The following GJA9 variants were observed in gnomAD, a reference collection of about 807,000 sequenced individuals.
GJA9 encodes gap junction alpha-9 protein.
A neutral mutation model predicts 0.4 loss-of-function variants in GJA9; 1 was observed. The observed-to-expected ratio is 2.50, with a 90% CI of 0.89 to 11.88. GJA9 has a LOEUF of 11.88. Ranked by LOEUF, GJA9 falls within the 30% of genes most tolerant of loss-of-function variation. GJA9 has a pLI of 0.12. For missense variants in GJA9, 550 were observed against 602.8 expected (o/e 0.91, Z 0.92); for synonymous variants, 190 against 219.1 (o/e 0.87, Z 1.17).
chr1:38,878,537 T>C (rs2124281089), intron 1 of GJA9, among the ~76,000 whole-genome samples: 1 of 149,882 alleles, frequency 6.7e-6, no homozygotes, highest in African/African-American at 2.4e-5. Context: ...ATTAGCTGGG[T>C]GTGGTGGCAG....
intron 1 of GJA9, among the ~76,000 whole-genome samples, chr1:38,879,617 C>T (rs560846539): frequency 4.6e-5 from 7 of 152,320 alleles, no homozygotes; most frequent in Non-Finnish European, 1.0e-4. Context: ...TCTGTTTTCT[C>T]TTAAGTTTAA....
chr1:38,878,547 G>A (rs1334144325), intron 1 of GJA9, among the ~76,000 whole-genome samples: 1 of 150,438 alleles, frequency 6.6e-6, no homozygotes, highest in Non-Finnish European at 1.5e-5. Flanking sequence ...TGTGGTGGCA[G>A]GCATCTGTAA....
Position 38,875,529 on chromosome 1 carries a change from A to G in GJA9, c.570T>C (p.His190=). Residue 190 remains histidine (H), a synonymous_variant, in exon 2 of 2, where the codon CAT becomes CAC. Coordinates refer to ENST00000357771, the MANE Select transcript of GJA9 (RefSeq NM_030772.5). ...CGATTATATTTGGACACGGGTGGCC[A>G]TGGCACTTAAATAGCGGCTCTAAGT... ...GFHLEPLFKC[H]GHPCPNIIDC... 1 of 1,614,238 alleles carries G rather than the reference A, an allele frequency of 6.2e-7. No homozygotes were observed. The highest frequency in any genetic ancestry group is 8.5e-7 in the Non-Finnish European group (1 of 1,180,040).
chr1:38,874,438 T>TGAGTTTGTA lies in GJA9; in HGVS notation c.*112_*113insTACAAACTC. Reference sequence around the variant, plus strand: ...TCTCTTGCTTAAATGAGTTTGCAGTTGTCTGTCTTAACAGCTGGTCTTTAG... The same window carrying TGAGTTTGTA: ...TCTCTTGCTTAAATGAGTTTGCAGTTGAGTTTGTAGTCTGTCTTAACAGCTGGTCTTTAG... On this transcript the variant is annotated 3_prime_UTR_variant, in exon 2 of 2. Coordinates refer to ENST00000357771, the MANE Select transcript of GJA9 (RefSeq NM_030772.5). The TGAGTTTGTA allele has an allele frequency of 1.4e-6, 1 of 734,586 alleles. No individual in the cohort carries two copies. The highest frequency in any genetic ancestry group is 2.3e-6 in the Non-Finnish European group (1 of 444,296). 45.5% of individuals were successfully genotyped at this position (734,586 alleles called of 1,614,324 possible). A position where few individuals can be genotyped will look rare whatever the true frequency, so the allele number is the denominator to read the frequency against.
chr1:38,874,606 A>G lies in GJA9; in HGVS notation c.1493T>C (p.Val498Ala). ...NNPVCPPNHV[V>A]SLTNNLIGRR... ...ACCAATGAGATTGTTCGTTAGGGAC[A>G]CTACGTGATTTGGAGGACAAACAGG... Residue 498 changes from valine to alanine, a missense_variant, in exon 2 of 2, where the codon GTG becomes GCG. Physicochemically the swap from Val to Ala is moderately conservative, Grantham distance 64 (BLOSUM62 0). Coordinates refer to ENST00000357771, the MANE Select transcript of GJA9 (RefSeq NM_030772.5). The G allele has an allele frequency of 6.2e-7, 1 of 1,614,202 alleles. No homozygotes were observed. The highest frequency in any genetic ancestry group is 8.5e-7 in the Non-Finnish European group (1 of 1,180,038).
rs186077127 is a variant in GJA9 at position 38,880,387 on chromosome 1, A to T, written c.-96+1045T>A. ...CATTGCACTCCAGCCTGGGCGACAG[A>T]GCAAGACTCTGTCTCAAAAAAAAAT... On this transcript the variant is annotated intron_variant, in intron 1 of 1. Coordinates refer to ENST00000357771, the MANE Select transcript of GJA9 (RefSeq NM_030772.5). Among the ~76,000 whole-genome samples, 1,345 of 140,214 alleles carry T rather than the reference A, an allele frequency of 9.6e-3. 25 individuals carry two copies. The highest frequency in any genetic ancestry group is 0.03 in the African/African-American group (1,182 of 39,580). 92.0% of individuals were successfully genotyped at this position (140,214 alleles called of 152,430 possible). A position where few individuals can be genotyped will look rare whatever the true frequency, so the allele number is the denominator to read the frequency against.
chr1:38,877,258 C>T (rs1242132268), intron 1 of GJA9, among the ~76,000 whole-genome samples: 1 of 151,378 alleles, frequency 6.6e-6, no homozygotes, highest in Admixed American at 6.6e-5. Context: ...AGGCTGGTCT[C>T]GAACTCCTGA....
In GJA9 at chr1:38,875,260, GA is replaced by G. The variant is rs1167684539; in HGVS notation, c.838del (p.Ser280LeufsTer8). 12 of 1,614,082 alleles carry G rather than the reference GA, an allele frequency of 7.4e-6. No homozygotes were observed. The highest frequency in any genetic ancestry group is 1.0e-5 in the Non-Finnish European group (12 of 1,180,028). ...CACTAACAGATTATAATCAGGGGCA[GA>G]AGGGAGTCGCTTCAGTGAATTTGCA... ...TSANSLKRLP[S>X]APDYNLLVEK... On this transcript the variant is annotated frameshift_variant, in exon 2 of 2. Coordinates refer to ENST00000357771, the MANE Select transcript of GJA9 (RefSeq NM_030772.5). LOFTEE classifies it low-confidence loss of function (END_TRUNC).
Position 38,875,004 on chromosome 1 carries a change from G to A in GJA9, c.1095C>T (p.Asn365=). Residue 365 remains asparagine (N), a synonymous_variant, in exon 2 of 2, where the codon AAC becomes AAT. Coordinates refer to ENST00000357771, the MANE Select transcript of GJA9 (RefSeq NM_030772.5). The stretch of plus-strand genomic sequence containing the variant: ...CAGTTTCTCTTTTTTCCATTAACTG[G>A]TTACCATTAAGTTCTTTTCCAAATA... The part of the protein sequence containing the change: ...HKIFGKELNG[N]QLMEKRETEG... 2 of 1,614,114 alleles carry A rather than the reference G, an allele frequency of 1.2e-6. No homozygotes were observed. Among genetic ancestry groups the A allele is most frequent in the South Asian group, 1.1e-5 (1 of 91,082 alleles).
chr1:38,880,388 G>A (rs1642670322), intron 1 of GJA9, among the ~76,000 whole-genome samples: 1 of 129,702 alleles, frequency 7.7e-6, no homozygotes, highest in African/African-American at 2.6e-5. Context: ...GGGCGACAGA[G>A]CAAGACTCTG....
chr1:38,875,833 G>C lies in GJA9; in HGVS notation c.266C>G (p.Ser89Cys), dbSNP rs752979539. Reference protein sequence around the residue: ...VLQVIFVSSPSLVYMGHALYR... With the variant: ...VLQVIFVSSPCLVYMGHALYR... ...CAATGCATGGCCCATGTAGACCAGG[G>C]ATGGTGAAGACACAAATATCACCTG... The change falls in exon 2 of 2, where the codon TCC becomes TGC. Residue 89 changes from serine to cysteine, a missense_variant. Physicochemically the swap from Ser to Cys is moderately radical, Grantham distance 112. Transcript: ENST00000357771. 4.3e-6 allele frequency: 7 copies of C among 1,614,126 alleles called. No homozygotes were observed. The Admixed American group carries it at 1.2e-4, about 27-fold the overall frequency.
At chr1:38,877,040 C>CTTTT (rs774625707) in intron 1 of GJA9, among the ~76,000 whole-genome samples, 1 of 124,498 alleles carries the variant, frequency 8.0e-6, no homozygotes, top group Non-Finnish European at 1.7e-5. Flanking sequence ...AAATTATATT[C>CTTTT]TTTTTTTTTT....
chr1:38,877,491 T>A lies in GJA9; in HGVS notation c.-95-1298A>T, dbSNP rs1570899022. ...ATTACTGGCTTGAAAAGTCAGTGAT[T>A]TTTTTTTCTTTCTTTCTTTCTTTTG... On this transcript the variant is annotated intron_variant, in intron 1 of 1. Transcript: ENST00000357771. Among the ~76,000 whole-genome samples the A allele has an allele frequency of 2.0e-5, 3 of 152,160 alleles. No individual in the cohort carries two copies. In the South Asian group the frequency reaches 6.2e-4, roughly 32 times the overall value.
intron 1 of GJA9, among the ~76,000 whole-genome samples, chr1:38,878,189 G>A (rs1037268850): frequency 7.3e-5 from 11 of 151,288 alleles, no homozygotes; most frequent in Admixed American, 4.6e-4. Flanking sequence ...AGTGATTCTC[G>A]TGCCTGAGCC....
At chr1:38,879,584 C>T (rs1276751214) in intron 1 of GJA9, among the ~76,000 whole-genome samples, 1 of 151,998 alleles carries the variant, frequency 6.6e-6, no homozygotes, top group African/African-American at 2.4e-5. Flanking sequence ...TCAAATTTGC[C>T]GGAAAGAAAC....
At chr1:38,876,229 T>C (rs1334968287) in intron 1 of GJA9, 36 bp from the exon 2 acceptor site, 1 of 733,426 alleles carries the variant, frequency 1.4e-6, no homozygotes, top group Non-Finnish European at 2.3e-6. Context: ...CACTTCTATA[T>C]GCTGGTTGCT....
chr1:38,880,297 G>C (rs1158359137), intron 1 of GJA9, among the ~76,000 whole-genome samples: 1 of 147,706 alleles, frequency 6.8e-6, no homozygotes, highest in African/African-American at 2.5e-5. Context: ...CCAGCTACTC[G>C]GGAGGCTGAG....
intron 1 of GJA9, among the ~76,000 whole-genome samples, chr1:38,880,249 C>G (rs1386056511): frequency 2.1e-5 from 3 of 145,774 alleles, no homozygotes; most frequent in Non-Finnish European, 3.0e-5. Flanking sequence ...ACTAAAAATA[C>G]AAAAATTAGT....
chr1:38,876,112 G>T lies in GJA9; in HGVS notation c.-14C>A. Reference sequence around the variant, plus strand: ...CCAGTCCCCCATGTTTATTTAGTCAGCCATCTTAGCTCTGATCCACATCAA... The same window carrying T: ...CCAGTCCCCCATGTTTATTTAGTCATCCATCTTAGCTCTGATCCACATCAA... On this transcript the variant is annotated 5_prime_UTR_variant, in exon 2 of 2. In the 5' UTR this introduces an upstream ATG that the reference lacks. Transcript: ENST00000357771. The T allele has an allele frequency of 6.3e-7, 1 of 1,591,610 alleles. No homozygotes were observed. The highest frequency in any genetic ancestry group is 1.7e-4 in the Middle Eastern group (1 of 5,990).
Sources: gnomAD v4.1 joint callset for allele counts (sites outside exome capture counted in the v4.1 genomes callset) on GRCh38, gnomAD v4.1.1 for gene constraint, MANE v1.5 for transcripts, NCBI Gene and HGNC (gene_info 2026-07-23, HGNC 2026-07-21) for gene names.